ANTXR1: variants seen among roughly 807,000 people sequenced by gnomAD.
The protein encoded by ANTXR1 is ANTXR cell adhesion molecule 1.
A neutral mutation model predicts 78.1 loss-of-function variants in ANTXR1; 19 were observed. The ratio of observed to expected loss-of-function variants is 0.24; its 90% CI spans 0.17 to 0.36. The LOEUF (loss-of-function observed/expected upper bound fraction) is 0.36. Ranked by LOEUF, ANTXR1 falls within the 10% of genes least tolerant of loss-of-function variation. ANTXR1 has a pLI of 1.00. For synonymous variants in ANTXR1, 273 were observed against 260.5 expected (o/e 1.05, Z -0.46); for missense variants, 518 against 718.6 (o/e 0.72, Z 3.19).
chr2:69,032,150 C>G (rs1671546431), intron 1 of ANTXR1, among the ~76,000 whole-genome samples: 1 of 152,098 alleles, frequency 6.6e-6, no homozygotes, highest in Admixed American at 6.5e-5. Flanking sequence ...GCAGATGTTA[C>G]AAGTGATGTT....
chr2:69,200,792 C>T (rs1674756619), intron 17 of ANTXR1, among the ~76,000 whole-genome samples: 1 of 152,178 alleles, frequency 6.6e-6, no homozygotes, highest in African/African-American at 2.4e-5. Flanking sequence ...AAGAGAGTGT[C>T]ATGCACTGTA....
intron 12 of ANTXR1, among the ~76,000 whole-genome samples, chr2:69,129,686 G>C (rs1672666014): frequency 6.6e-6 from 1 of 151,974 alleles, no homozygotes; most frequent in African/African-American, 2.4e-5. Flanking sequence ...GGGAGGCAGA[G>C]GTTACAGTGA....
At chr2:69,226,842 AT>A (rs1675468368) in intron 17 of ANTXR1, among the ~76,000 whole-genome samples, 2 of 151,870 alleles carry the variant, frequency 1.3e-5, no homozygotes, top group African/African-American at 2.4e-5. Context: ...TAACATATAT[AT>A]TTTTTTTCCT....
At chr2:69,177,839 T>TG (rs1012621704) in intron 14 of ANTXR1, among the ~76,000 whole-genome samples, 1 of 152,162 alleles carries the variant, frequency 6.6e-6, no homozygotes, top group African/African-American at 2.4e-5. Flanking sequence ...TCGGGGGGAT[T>TG]GGGGGTCGTA....
At chr2:69,098,712 G>A (rs936683223) in intron 9 of ANTXR1, among the ~76,000 whole-genome samples, 7 of 152,130 alleles carry the variant, frequency 4.6e-5, no homozygotes, top group East Asian at 3.8e-4. Flanking sequence ...CAGGCCAGGC[G>A]TGGTGGCTCA....
At chr2:69,169,286 T>C (rs1011133079) in intron 13 of ANTXR1, among the ~76,000 whole-genome samples, 11 of 152,238 alleles carry the variant, frequency 7.2e-5, no homozygotes, top group African/African-American at 2.7e-4. Context: ...TTGCCAGAAG[T>C]CCTCTAAGTA....
At chr2:69,042,315 T>G (rs909961124) in intron 2 of ANTXR1, among the ~76,000 whole-genome samples, 13 of 152,118 alleles carry the variant, frequency 8.5e-5, no homozygotes, top group African/African-American at 2.4e-4. Flanking sequence ...TAACCTCACC[T>G]CCTACTTCAC....
At chr2:69,154,676 A>G (rs151275841) in intron 13 of ANTXR1, among the ~76,000 whole-genome samples, 2 of 152,272 alleles carry the variant, frequency 1.3e-5, no homozygotes, top group African/African-American at 2.4e-5. Flanking sequence ...CCCTCAACCT[A>G]CTAGCAGAGC....
At chr2:69,172,367 G>T in intron 14 of ANTXR1, 1 of 1,611,998 alleles carries the variant, frequency 6.2e-7, no homozygotes, top group South Asian at 1.1e-5. Context: ...ATTTTGGCAG[G>T]AAAATAAAAT....
At chr2:69,192,738 A>G (rs1025581150) in intron 16 of ANTXR1, among the ~76,000 whole-genome samples, 1 of 152,188 alleles carries the variant, frequency 6.6e-6, no homozygotes, top group Non-Finnish European at 1.5e-5. Context: ...GTTTCAGCCA[A>G]TTACATACAA....
rs150496263 is a variant in ANTXR1 at position 69,229,980 on chromosome 2, A to G, written c.1435-15245A>G. Among the ~76,000 whole-genome samples, 551 of 152,298 alleles carry G rather than the reference A, an allele frequency of 3.6e-3. 4 individuals carry two copies. Among genetic ancestry groups the G allele is most frequent in the African/African-American group, 0.012 (514 of 41,566 alleles). On this transcript the variant is annotated intron_variant, in intron 17 of 17. Transcript: ENST00000303714. ...GATGTGCCACACTGGGTCACCACTC[A>G]GCATGATTTGCTTCCTCTTAATGTT...
rs1038402745 is a variant in ANTXR1, at chr2:69,231,431, A to G, written c.1435-13794A>G. ...AGGAAGGGTGCCAAGTTCAGAGTCC[A>G]GAAAAAAAAAGGGAAACCTACAACT... On this transcript the variant is annotated intron_variant, in intron 17 of 17. Coordinates refer to ENST00000303714, the MANE Select transcript of ANTXR1 (RefSeq NM_032208.3). Among the ~76,000 whole-genome samples, 6 of 152,152 alleles carry G rather than the reference A, an allele frequency of 3.9e-5. No individual in the cohort carries two copies. In the South Asian group the frequency reaches 1.2e-3, roughly 32 times the overall value.
At chr2:69,056,791 A>G (rs935032383) in intron 3 of ANTXR1, among the ~76,000 whole-genome samples, 2 of 152,122 alleles carry the variant, frequency 1.3e-5, no homozygotes, top group African/African-American at 4.8e-5. Context: ...CTCATGCCTC[A>G]GCCTCCTGAG....
At chr2:69,080,728 AT>A (rs1392839630) in intron 8 of ANTXR1, among the ~76,000 whole-genome samples, 1 of 152,218 alleles carries the variant, frequency 6.6e-6, no homozygotes, top group East Asian at 1.9e-4. Flanking sequence ...TGGCCATGAG[AT>A]TAAGAGTAAA....
chr2:69,211,614 C>A (rs2104498878), intron 17 of ANTXR1, among the ~76,000 whole-genome samples: 1 of 152,344 alleles, frequency 6.6e-6, no homozygotes, highest in East Asian at 1.9e-4. Flanking sequence ...TGCAGGACTT[C>A]AAAGATGCTT....
At chr2:69,135,240 C>A in intron 12 of ANTXR1, 1 of 166,002 alleles carries the variant, frequency 6.0e-6, no homozygotes, top group East Asian at 1.6e-4. Flanking sequence ...ATGTTTATAT[C>A]TAAGTATTTT....
intron 17 of ANTXR1, among the ~76,000 whole-genome samples, chr2:69,224,444 C>T (rs1675392692): frequency 6.6e-6 from 1 of 152,210 alleles, no homozygotes; most frequent in Non-Finnish European, 1.5e-5. Flanking sequence ...CCATGTCCTG[C>T]TGCTGCTCTT....
intron 17 of ANTXR1, among the ~76,000 whole-genome samples, chr2:69,201,458 A>C (rs1277963536): frequency 2.6e-5 from 4 of 152,330 alleles, no homozygotes; most frequent in Non-Finnish European, 4.4e-5. Context: ...CTGCTCTGCC[A>C]GCCTGACGAG....
chr2:69,013,426 C>A lies in ANTXR1; in HGVS notation c.-74C>A. The A allele has an allele frequency of 6.4e-7, 1 of 1,557,850 alleles. No individual in the cohort carries two copies. Among genetic ancestry groups the A allele is most frequent in the Non-Finnish European group, 8.7e-7 (1 of 1,150,124 alleles). On this transcript the variant is annotated 5_prime_UTR_variant, in exon 1 of 18. Transcript: ENST00000303714. The surrounding 1 kb of genome is among the most constrained non-coding windows in gnomAD (Gnocchi z 5.0). The stretch of plus-strand genomic sequence containing the variant: ...CCCGCGAGGAAGGGCCCGCGGATGG[C>A]GCGTCCCTGAGGGTCGTGGCGAGTT...
Sources: allele counts gnomAD v4.1 joint callset (sites outside exome capture counted in the v4.1 genomes callset), GRCh38; gene constraint gnomAD v4.1.1; non-coding constraint Gnocchi (gnomAD v3.1); transcripts MANE v1.5; gene names NCBI Gene and HGNC (gene_info 2026-07-23, HGNC 2026-07-21).